The following SLC9A9 variants were observed in gnomAD, a reference collection of about 807,000 sequenced individuals.
SLC9A9 encodes the protein sodium/hydrogen exchanger 9.
In SLC9A9, 62 loss-of-function variants were observed where a neutral mutation model predicts 77.8. The observed-to-expected ratio is 0.80, with a 90% confidence interval of 0.65 to 0.98. The LOEUF is 0.98. SLC9A9 is among the 50% of genes least tolerant of loss of function. The pLI is 0.00. For missense variants in SLC9A9, 775 were observed against 774.9 expected, an observed-to-expected ratio of 1.00 and a Z score of 0.00; for synonymous variants, 320 against 283.5, an observed-to-expected ratio of 1.13 and a Z score of -1.29.
At position 143,421,334 on chromosome 3, in the gene SLC9A9, G is replaced by A. The variant is rs115683260; in HGVS notation, c.1470-39220C>T. On this transcript the variant is annotated intron_variant, in intron 12 of 15. Transcript: ENST00000316549. ...AGCAATCCTAGGCAAAAAGAACAAAGTTGAAGACATCACATTGTCTCACAT... is the reference window on the plus strand; with the variant it reads ...AGCAATCCTAGGCAAAAAGAACAAAATTGAAGACATCACATTGTCTCACAT... 3.8e-3 allele frequency among the ~76,000 whole-genome samples: 584 copies of A among 152,208 alleles called. 3 individuals carry two copies. The highest frequency in any genetic ancestry group is 0.014 in the African/African-American group (569 of 41,516).
intron 9 of SLC9A9, among the ~76,000 whole-genome samples, chr3:143,520,662 CA>C (rs1310920705): frequency 6.6e-6 from 1 of 152,150 alleles, no homozygotes; most frequent in Non-Finnish European, 1.5e-5. Flanking sequence ...GATGAGAAAA[CA>C]AAAGCCCAAA....
At chr3:143,573,358 A>G (rs2037301463) in intron 8 of SLC9A9, among the ~76,000 whole-genome samples, 1 of 152,126 alleles carries the variant, frequency 6.6e-6, no homozygotes, top group Admixed American at 6.6e-5. Context: ...GAGGAGAGAA[A>G]GAGCATTAAC....
At chr3:143,422,424 A>G (rs2034316698) in intron 12 of SLC9A9, among the ~76,000 whole-genome samples, 1 of 152,268 alleles carries the variant, frequency 6.6e-6, no homozygotes, top group Non-Finnish European at 1.5e-5. Flanking sequence ...AGCCATAAAA[A>G]GAATGAAATC....
intron 9 of SLC9A9, among the ~76,000 whole-genome samples, chr3:143,525,548 G>A (rs1052437655): frequency 7.2e-5 from 11 of 152,128 alleles, no homozygotes; most frequent in African/African-American, 1.4e-4. Context: ...GCTGCCCTTC[G>A]CTCCATGTGT....
At chr3:143,772,063 A>G (rs1370485488) in intron 4 of SLC9A9, among the ~76,000 whole-genome samples, 8 of 108,864 alleles carry the variant, frequency 7.3e-5, no homozygotes, top group Non-Finnish European at 1.4e-4. Flanking sequence ...TGTGTATTGG[A>G]CAATGGGAGG....
At chr3:143,818,176 T>C (rs918046821) in intron 2 of SLC9A9, among the ~76,000 whole-genome samples, 1 of 152,224 alleles carries the variant, frequency 6.6e-6, no homozygotes, top group Non-Finnish European at 1.5e-5. Flanking sequence ...TATGAAGTTA[T>C]TCTACAAGTG....
At chr3:143,550,671 G>A (rs766147079) in intron 9 of SLC9A9, among the ~76,000 whole-genome samples, 1 of 152,122 alleles carries the variant, frequency 6.6e-6, no homozygotes, top group Non-Finnish European at 1.5e-5. Context: ...GCTGGTACAA[G>A]CTGATGCACC....
intron 12 of SLC9A9, among the ~76,000 whole-genome samples, chr3:143,410,143 G>C (rs2034064680): frequency 6.6e-6 from 1 of 152,172 alleles, no homozygotes; most frequent in Non-Finnish European, 1.5e-5. Flanking sequence ...GTAGAGGAGA[G>C]GGTTGGAGAG....
intron 4 of SLC9A9, among the ~76,000 whole-genome samples, chr3:143,738,135 C>T (rs1446280766): frequency 1.3e-5 from 2 of 152,184 alleles, no homozygotes; most frequent in Non-Finnish European, 2.9e-5. Flanking sequence ...TAGTGAGATG[C>T]TCTATTGCTA....
intron 13 of SLC9A9, among the ~76,000 whole-genome samples, chr3:143,369,889 T>C (rs537905462): frequency 6.6e-6 from 1 of 152,338 alleles, no homozygotes; most frequent in Admixed American, 6.5e-5. Flanking sequence ...CAAGAAGCTC[T>C]GTGGAGAGAT....
At chr3:143,671,429 A>C (rs985656463) in intron 5 of SLC9A9, among the ~76,000 whole-genome samples, 1 of 152,178 alleles carries the variant, frequency 6.6e-6, no homozygotes, top group Admixed American at 6.5e-5. Context: ...AAACCTTGAG[A>C]TAATCTTAAA....
intron 12 of SLC9A9, among the ~76,000 whole-genome samples, chr3:143,393,716 A>G (rs950268471): frequency 6.6e-6 from 1 of 151,884 alleles, no homozygotes; most frequent in African/African-American, 2.4e-5. Flanking sequence ...AGACTAATAA[A>G]GAAGAAAAGA....
At chr3:143,308,575 CAA>C (rs72347142) in intron 14 of SLC9A9, among the ~76,000 whole-genome samples, 2 of 138,884 alleles carry the variant, frequency 1.4e-5, no homozygotes. Flanking sequence ...GACTCTGTCT[CAA>C]AAAAAAAAAA....
At chr3:143,327,117 T>G (rs141732668) in intron 14 of SLC9A9, among the ~76,000 whole-genome samples, 2,218 of 152,248 alleles carry the variant, frequency 0.015, 55 homozygotes, top group African/African-American at 0.051. Context: ...CCTCTAGAGT[T>G]TCAACTAGAA....
At chr3:143,803,782 C>G (rs1007993816) in intron 2 of SLC9A9, among the ~76,000 whole-genome samples, 7 of 152,136 alleles carry the variant, frequency 4.6e-5, no homozygotes, top group African/African-American at 1.7e-4. Flanking sequence ...TCCCTTTCTT[C>G]CAGCGCCTAC....
chr3:143,757,748 G>C (rs921365752), intron 4 of SLC9A9, among the ~76,000 whole-genome samples: 1 of 151,930 alleles, frequency 6.6e-6, no homozygotes, highest in East Asian at 1.9e-4. Context: ...GTTTCACCTC[G>C]TATTTTTGCT....
chr3:143,302,499 G>A (rs2030564672), intron 14 of SLC9A9, among the ~76,000 whole-genome samples: 1 of 152,206 alleles, frequency 6.6e-6, no homozygotes, highest in Non-Finnish European at 1.5e-5. Flanking sequence ...GGAGATGCAG[G>A]AAAGGCTGGG....
chr3:143,667,354 G>A (rs544763823), intron 5 of SLC9A9, among the ~76,000 whole-genome samples: 1 of 152,300 alleles, frequency 6.6e-6, no homozygotes, highest in East Asian at 1.9e-4. Flanking sequence ...AGACTTAAAT[G>A]TTAGACTTAA....
intron 4 of SLC9A9, among the ~76,000 whole-genome samples, chr3:143,788,743 C>T (rs1560079742): frequency 6.9e-6 from 1 of 145,292 alleles, no homozygotes; most frequent in Non-Finnish European, 1.5e-5. Flanking sequence ...TTCATACATG[C>T]ATAAGCATGT....
Sources: allele counts gnomAD v4.1 joint callset (sites outside exome capture counted in the v4.1 genomes callset), GRCh38; gene constraint gnomAD v4.1.1; transcripts MANE v1.5; gene names NCBI Gene and HGNC (gene_info 2026-07-23, HGNC 2026-07-21).